Variants in PTPN9 observed in about 807,000 individuals in gnomAD.
PTPN9 encodes protein tyrosine phosphatase non-receptor type 9.
A neutral mutation model predicts 69.8 loss-of-function variants in PTPN9; 26 were observed. The ratio of observed to expected loss-of-function variants is 0.37; its 90% CI spans 0.27 to 0.52. The LOEUF is 0.52. Ranked by LOEUF, PTPN9 falls within the 20% of genes least tolerant of loss-of-function variation. PTPN9 has a pLI of 0.91. For missense variants in PTPN9, 549 were observed against 740.3 expected (o/e 0.74, Z 3.00); for synonymous variants, 274 against 272.5 (o/e 1.01, Z -0.05).
chr15:75,550,718 A>T (rs1049935088), intron 1 of PTPN9, among the ~76,000 whole-genome samples: 3 of 152,042 alleles, frequency 2.0e-5, no homozygotes, highest in Admixed American at 6.6e-5. Flanking sequence ...ACCCGGGAGA[A>T]GGTTGCAGTG....
intron 1 of PTPN9, among the ~76,000 whole-genome samples, 195 bp from the exon 2 acceptor site, chr15:75,527,456 G>A (rs1190535501): frequency 6.6e-6 from 1 of 152,130 alleles, no homozygotes. Context: ...ATAATTCAAT[G>A]AGGCCAGAAG....
intron 1 of PTPN9, among the ~76,000 whole-genome samples, chr15:75,541,650 C>T (rs1351591109): frequency 1.3e-5 from 2 of 151,982 alleles, no homozygotes; most frequent in Non-Finnish European, 2.9e-5. Context: ...TCCTGATCCG[C>T]CTGCCTCAGC....
rs1395914750 is a variant in PTPN9 at position 75,524,834 on chromosome 15, AATGAATT to A, written c.208-543_208-537del. 1.2e-4 allele frequency among the ~76,000 whole-genome samples: 18 copies of A among 151,886 alleles called. No individual in the cohort carries two copies. In the East Asian group the frequency reaches 2.9e-3, roughly 25 times the overall value. On this transcript the variant is annotated intron_variant, in intron 2 of 12. Coordinates refer to ENST00000618819, the MANE Select transcript of PTPN9 (RefSeq NM_002833.4). ...GCTAAATGAATAATGAAGTCAACTA[AATGAATT>A]ATGAATTTCTTTGTAACCTGCCTCC...
chr15:75,504,899 A>G (rs938787053), intron 7 of PTPN9, among the ~76,000 whole-genome samples: 32 of 150,672 alleles, frequency 2.1e-4, no homozygotes, highest in Non-Finnish European at 3.6e-4. Flanking sequence ...ACCTCTGCCC[A>G]GCCACCCCTA....
chr15:75,527,025 C>T, intron 2 of PTPN9, 93 bp downstream of exon 2: 1 of 1,484,436 alleles, frequency 6.7e-7, no homozygotes, highest in Non-Finnish European at 9.3e-7. Context: ...AGGAGGAACA[C>T]TTAGAGAACC....
intron 1 of PTPN9, among the ~76,000 whole-genome samples, chr15:75,531,844 C>T (rs1595963002): frequency 6.6e-6 from 1 of 152,130 alleles, no homozygotes; most frequent in East Asian, 1.9e-4. Context: ...CAGGCGTGAG[C>T]CACCACCCCC....
chr15:75,482,689 C>T (rs1397104272), intron 8 of PTPN9, among the ~76,000 whole-genome samples: 1 of 151,390 alleles, frequency 6.6e-6, no homozygotes, highest in Non-Finnish European at 1.5e-5. Flanking sequence ...CCTTTGTTCA[C>T]TTGTTTATCT....
rs1470312280 is a variant in PTPN9, at chr15:75,575,126, A to T, written c.63+3588T>A. Reference sequence around the variant, plus strand: ...GTAGCTGGGACTACAGGCGCCCGCCACGACGCCCGGCTAATTTTTTGTATT... The same window carrying T: ...GTAGCTGGGACTACAGGCGCCCGCCTCGACGCCCGGCTAATTTTTTGTATT... On this transcript the variant is annotated intron_variant, in intron 1 of 12. Coordinates refer to ENST00000618819, the MANE Select transcript of PTPN9 (RefSeq NM_002833.4). 1.3e-4 allele frequency among the ~76,000 whole-genome samples: 7 copies of T among 51,982 alleles called. 1 individual carries two copies. Among genetic ancestry groups the T allele is most frequent in the African/African-American group, 5.0e-4 (3 of 6,056 alleles). 34.1% of individuals were successfully genotyped at this position (51,982 alleles called of 152,430 possible). A position where few individuals can be genotyped will look rare whatever the true frequency, so the allele number is the denominator to read the frequency against.
Position 75,523,150 on chromosome 15 carries a change from CAG to C in PTPN9, c.391_392del (p.Leu131ValfsTer10). ...KSVQHVVLQA[L>X]FYLLDRAVDS... ...CCACAGCTCTGTCTAGCAAGTAAAA[CAG>C]AGCCTGAAGTACCACATGTTGGACT... is the stretch of plus-strand genomic sequence containing the variant. On this transcript the variant is annotated frameshift_variant, in exon 4 of 13. Coordinates refer to ENST00000618819, the MANE Select transcript of PTPN9 (RefSeq NM_002833.4). LOFTEE classifies it high-confidence loss of function. The C allele has an allele frequency of 6.2e-7, 1 of 1,614,130 alleles. No homozygotes were observed. The highest frequency in any genetic ancestry group is 8.5e-7 in the Non-Finnish European group (1 of 1,180,008).
chr15:75,550,362 C>T (rs963002747), intron 1 of PTPN9, among the ~76,000 whole-genome samples: 1 of 148,052 alleles, frequency 6.8e-6, no homozygotes, highest in Non-Finnish European at 1.5e-5. Flanking sequence ...GACGGGGTTT[C>T]ACCATGTTGG....
At chr15:75,554,902 A>G (rs1269888780) in intron 1 of PTPN9, among the ~76,000 whole-genome samples, 8 of 152,228 alleles carry the variant, frequency 5.3e-5, no homozygotes, top group Non-Finnish European at 1.5e-5. Context: ...GCTTCCCCCT[A>G]TGGAATGGTC....
intron 7 of PTPN9, among the ~76,000 whole-genome samples, chr15:75,502,443 A>G (rs978295694): frequency 4.0e-5 from 6 of 151,820 alleles, no homozygotes; most frequent in Non-Finnish European, 5.9e-5. Context: ...ACGAGACTCC[A>G]TCTCAGAAAG....
intron 7 of PTPN9, among the ~76,000 whole-genome samples, chr15:75,499,668 TGCTGCGATTAC>T (rs2074762678): frequency 6.6e-6 from 1 of 151,888 alleles, no homozygotes; most frequent in Non-Finnish European, 1.5e-5. Flanking sequence ...CCTCCCAAAG[TGCTGCGATTAC>T]AGGCGTGAGC....
intron 1 of PTPN9, among the ~76,000 whole-genome samples, chr15:75,574,108 A>G (rs2075160927): frequency 6.6e-6 from 1 of 152,112 alleles, no homozygotes; most frequent in African/African-American, 2.4e-5. Context: ...GGGCCTAGAT[A>G]TATAGCCTAC....
intron 7 of PTPN9, among the ~76,000 whole-genome samples, chr15:75,501,118 T>TCTCATTATTTTCCCCAA (rs1277514828): frequency 6.6e-6 from 1 of 152,080 alleles, no homozygotes; most frequent in Non-Finnish European, 1.5e-5. Flanking sequence ...ACTTTCCCTA[T>TCTCATTATTTTCCCCAA]CTCATTATTT....
At chr15:75,509,688 A>C (rs955303355) in intron 5 of PTPN9, among the ~76,000 whole-genome samples, 1 of 152,034 alleles carries the variant, frequency 6.6e-6, no homozygotes, top group Admixed American at 6.6e-5. Flanking sequence ...ACTCTGTCTC[A>C]AAAAAAATAA....
At chr15:75,503,599 G>A (rs111700924) in intron 7 of PTPN9, among the ~76,000 whole-genome samples, 17 of 5,672 alleles carry the variant, frequency 3.0e-3, no homozygotes, top group East Asian at 5.4e-3. Flanking sequence ...GAGGTGGGGG[G>A]GTCAGCCCCC....
chr15:75,485,246 G>C (rs981106215), intron 8 of PTPN9, among the ~76,000 whole-genome samples: 5 of 152,040 alleles, frequency 3.3e-5, no homozygotes, highest in Non-Finnish European at 5.9e-5. Context: ...CGAGGACCAA[G>C]GGGAGAAGGT....
chr15:75,525,103 G>C (rs566444089), intron 2 of PTPN9, among the ~76,000 whole-genome samples: 1 of 152,070 alleles, frequency 6.6e-6, no homozygotes, highest in South Asian at 2.1e-4. Context: ...TCTAGGTTTA[G>C]GCCTCTCCTA....
Sources: gnomAD v4.1 joint callset for allele counts (sites outside exome capture counted in the v4.1 genomes callset) on GRCh38, gnomAD v4.1.1 for gene constraint, MANE v1.5 for transcripts, NCBI Gene and HGNC (gene_info 2026-07-23, HGNC 2026-07-21) for gene names.